GSK3B: variants seen among roughly 807,000 people sequenced by gnomAD.
GSK3B encodes glycogen synthase kinase 3 beta, also known as glycogen synthase kinase-3 beta.
Under a neutral mutation model 56.4 loss-of-function variants are expected in GSK3B, and 15 were observed. The ratio of observed to expected loss-of-function variants is 0.27; its 90% CI spans 0.18 to 0.41. The LOEUF is 0.41. GSK3B is among the 10% of genes least tolerant of loss of function. The pLI is 1.00. For missense variants in GSK3B, 300 were observed against 513.4 expected, an observed-to-expected ratio of 0.58 and a Z score of 4.02; for synonymous variants, 181 against 188.9, an observed-to-expected ratio of 0.96 and a Z score of 0.34.
intron 10 of GSK3B, among the ~76,000 whole-genome samples, chr3:119,835,450 T>G (rs2108003470): frequency 6.6e-6 from 1 of 152,318 alleles, no homozygotes; most frequent in Non-Finnish European, 1.5e-5. Context: ...AGAAATTAAC[T>G]ATGGTATAGC....
At chr3:119,985,441 C>T (rs1406960831) in intron 2 of GSK3B, among the ~76,000 whole-genome samples, 2 of 152,114 alleles carry the variant, frequency 1.3e-5, no homozygotes, top group Non-Finnish European at 2.9e-5. Flanking sequence ...GAAAACTCCA[C>T]CGTCTCAGCC....
intron 1 of GSK3B, among the ~76,000 whole-genome samples, chr3:120,010,189 A>T (rs1576268739): frequency 6.6e-6 from 1 of 152,338 alleles, no homozygotes; most frequent in East Asian, 1.9e-4. Flanking sequence ...TCAGTAAAAT[A>T]AACCTTAGGT....
intron 3 of GSK3B, among the ~76,000 whole-genome samples, chr3:119,946,481 C>T (rs1411418522): frequency 6.6e-6 from 1 of 152,104 alleles, no homozygotes; most frequent in Non-Finnish European, 1.5e-5. Context: ...GTCCAAAATA[C>T]CAACTGAAGT....
chr3:120,040,325 G>A (rs2058054963), intron 1 of GSK3B, among the ~76,000 whole-genome samples: 3 of 152,158 alleles, frequency 2.0e-5, no homozygotes, highest in African/African-American at 7.2e-5. Context: ...ATCCTGTCAG[G>A]AGTTTATACT....
At chr3:119,971,601 A>ATTTTTTTTTTTTTTTTTTTT (rs751790636) in intron 2 of GSK3B, among the ~76,000 whole-genome samples, 1 of 83,842 alleles carries the variant, frequency 1.2e-5, no homozygotes, top group African/African-American at 5.3e-5. Context: ...ATTTGCAATA[A>ATTTTTTTTTTTTTTTTTTTT]TTTTTTTTTT....
chr3:120,035,800 CAT>C (rs1234097549), intron 1 of GSK3B, among the ~76,000 whole-genome samples: 8 of 152,162 alleles, frequency 5.3e-5, no homozygotes, highest in Non-Finnish European at 8.8e-5. Flanking sequence ...TGTACAGAAA[CAT>C]AGTTGATTTT....
intron 2 of GSK3B, among the ~76,000 whole-genome samples, chr3:120,000,008 T>C (rs2057660739): frequency 6.6e-6 from 1 of 152,170 alleles, no homozygotes; most frequent in Admixed American, 6.5e-5. Flanking sequence ...CTAGTCTTAG[T>C]ACACAGAAGA....
chr3:120,003,374 G>A (rs1340789895), intron 1 of GSK3B, among the ~76,000 whole-genome samples: 2 of 152,162 alleles, frequency 1.3e-5, no homozygotes, highest in Non-Finnish European at 2.9e-5. Context: ...TGATCTAAAA[G>A]AGCTTTACAT....
chr3:119,926,328 C>CCACA (rs146771538), intron 3 of GSK3B, among the ~76,000 whole-genome samples: 1,544 of 146,878 alleles, frequency 0.011, 15 homozygotes, highest in African/African-American at 0.032. Flanking sequence ...TCTTACACTT[C>CCACA]CACACACACA....
chr3:119,989,496 T>G (rs1165479049), intron 2 of GSK3B, among the ~76,000 whole-genome samples: 1 of 151,618 alleles, frequency 6.6e-6, no homozygotes, highest in African/African-American at 2.4e-5. Context: ...AATACAAAAA[T>G]TAGCCGGGCG....
intron 2 of GSK3B, among the ~76,000 whole-genome samples, chr3:119,995,987 C>T (rs1403569456): frequency 2.0e-5 from 3 of 152,194 alleles, no homozygotes; most frequent in African/African-American, 7.2e-5. Flanking sequence ...ATCCTCCTGC[C>T]TCAGCCTCCT....
At chr3:119,889,580 A>G (rs1559824316) in intron 7 of GSK3B, among the ~76,000 whole-genome samples, 1 of 151,862 alleles carries the variant, frequency 6.6e-6, no homozygotes, top group South Asian at 2.1e-4. Flanking sequence ...GCCAATAGAA[A>G]AAATAAAAAC....
At chr3:120,076,611 C>G (rs1054516896) in intron 1 of GSK3B, among the ~76,000 whole-genome samples, 13 of 151,764 alleles carry the variant, frequency 8.6e-5, no homozygotes, top group African/African-American at 3.1e-4. Context: ...GTCAGGAGAT[C>G]GAGACCATCC....
At chr3:119,972,063 T>C (rs1300842607) in intron 2 of GSK3B, among the ~76,000 whole-genome samples, 1 of 152,226 alleles carries the variant, frequency 6.6e-6, no homozygotes, top group African/African-American at 2.4e-5. Context: ...TCAAGTCACT[T>C]AGTAGTCTAA....
intron 3 of GSK3B, among the ~76,000 whole-genome samples, chr3:119,936,497 C>T (rs2056996466): frequency 6.6e-6 from 1 of 151,304 alleles, no homozygotes; most frequent in Non-Finnish European, 1.5e-5. Flanking sequence ...CAGGCGCACA[C>T]CACCATACCT....
intron 1 of GSK3B, among the ~76,000 whole-genome samples, chr3:120,092,721 G>A (rs4688059): frequency 0.24 from 36,610 of 152,052 alleles, 4,860 homozygotes; most frequent in East Asian, 0.48. Flanking sequence ...ACTGCTGCTA[G>A]GTATTTATTG....
intron 3 of GSK3B, among the ~76,000 whole-genome samples, chr3:119,931,710 A>C (rs2056947612): frequency 6.6e-6 from 1 of 152,210 alleles, no homozygotes; most frequent in Non-Finnish European, 1.5e-5. Flanking sequence ...CAGGAGCTGA[A>C]AACGCTGAGT....
At chr3:120,039,832 T>C (rs997250761) in intron 1 of GSK3B, among the ~76,000 whole-genome samples, 3 of 152,194 alleles carry the variant, frequency 2.0e-5, no homozygotes, top group African/African-American at 7.2e-5. Flanking sequence ...CAGAAGTAAA[T>C]TGCCTTGCTG....
At chr3:119,845,421 G>A (rs1044374701) in intron 9 of GSK3B, among the ~76,000 whole-genome samples, 12 of 152,160 alleles carry the variant, frequency 7.9e-5, no homozygotes, top group African/African-American at 2.4e-4. Flanking sequence ...AAACCCCATC[G>A]CCTCAGCCCA....
Sources: allele counts gnomAD v4.1 joint callset (sites outside exome capture counted in the v4.1 genomes callset), GRCh38; gene constraint gnomAD v4.1.1; transcripts MANE v1.5; gene names NCBI Gene and HGNC (gene_info 2026-07-23, HGNC 2026-07-21).